The following RSPH10B2 variants were observed in gnomAD, a reference collection of about 807,000 sequenced individuals.
RSPH10B2 encodes the protein radial spoke head 10 homolog B2, also known as radial spoke head 10 homolog B2 (Chlamydomonas).
Under a neutral mutation model 49.0 loss-of-function variants are expected in RSPH10B2, and 9 were observed. The ratio of observed to expected loss-of-function variants is 0.18; its 90% CI spans 0.11 to 0.32. RSPH10B2 has a LOEUF of 0.32. Among genes scored for constraint, RSPH10B2 ranks in the 10% least tolerant of loss-of-function variants. The pLI is 1.00. For missense variants in RSPH10B2, 95 were observed against 589.9 expected (o/e 0.16, Z 8.69); for synonymous variants, 35 against 210.2 (o/e 0.17, Z 7.21).
chr7:6,791,102 C>T (rs1304705252), intron 16 of RSPH10B2, among the ~76,000 whole-genome samples: 9 of 138,376 alleles, frequency 6.5e-5, no homozygotes, highest in South Asian at 2.8e-4. Flanking sequence ...CCCGGGTTCA[C>T]GCCATTCTCC....
chr7:6,796,318 A>G (rs1782560068), intron 17 of RSPH10B2, among the ~76,000 whole-genome samples: 1 of 129,968 alleles, frequency 7.7e-6, no homozygotes, highest in Non-Finnish European at 1.7e-5. Context: ...TGTCTCCAAA[A>G]AAAAAAAAAC....
intron 8 of RSPH10B2, among the ~76,000 whole-genome samples, chr7:6,772,133 T>TA (rs1238093496): frequency 5.5e-5 from 3 of 54,256 alleles, no homozygotes; most frequent in Admixed American, 4.4e-4. Context: ...ACTCCTTTTT[T>TA]AAAAAAAAAT....
intron 16 of RSPH10B2, among the ~76,000 whole-genome samples, chr7:6,791,357 C>T (rs1444008317): frequency 1.4e-5 from 2 of 144,120 alleles, no homozygotes; most frequent in Admixed American, 1.4e-4. Context: ...GTGACATTTT[C>T]AAGTTTTGGG....
chr7:6,783,310 G>A (rs1782012642), intron 13 of RSPH10B2, among the ~76,000 whole-genome samples: 1 of 117,090 alleles, frequency 8.5e-6, no homozygotes, highest in Non-Finnish European at 1.7e-5. Flanking sequence ...GATTACAGGC[G>A]TGAGCCACTG....
intron 17 of RSPH10B2, among the ~76,000 whole-genome samples, chr7:6,795,540 A>G (rs541280078): frequency 9.2e-6 from 1 of 108,848 alleles, no homozygotes. Flanking sequence ...TGGGAGGCCG[A>G]GATGGGAGGA....
rs1781923179 is a variant in RSPH10B2, at chr7:6,781,254, T to G, written c.1610-74T>G. 6 of 1,278,836 alleles carry G rather than the reference T, an allele frequency of 4.7e-6. 1 individual carries two copies. Among genetic ancestry groups the G allele is most frequent in the Non-Finnish European group, 6.2e-6 (6 of 973,278 alleles). The allele number at this position is 1,278,836 out of a possible 1,614,324, so 79.2% of individuals were successfully genotyped here. A position where few individuals can be genotyped will look rare whatever the true frequency, so the allele number is the denominator to read the frequency against. Reference sequence around the variant, plus strand: ...CTGTCTCGGAAAAAAACAAAAGCAATAGGATTATATTTACTGCTATTTTTT... The same window carrying G: ...CTGTCTCGGAAAAAAACAAAAGCAAGAGGATTATATTTACTGCTATTTTTT... On this transcript the variant is annotated intron_variant, in intron 12 of 18. Transcript: ENST00000297186.
upstream of RSPH10B2, among the ~76,000 whole-genome samples, chr7:6,756,271 A>AAAAC (rs1554253228): frequency 8.3e-6 from 1 of 120,448 alleles, no homozygotes; most frequent in African/African-American, 3.6e-5. Flanking sequence ...CTCCGTCTCA[A>AAAAC]AAATAAATAA....
chr7:6,794,362 C>T (rs1275250448), intron 17 of RSPH10B2: 393 of 151,378 alleles, frequency 2.6e-3, no homozygotes, highest in African/African-American at 8.7e-3. Context: ...TCAGGAAAAG[C>T]GTCAGCTTCT....
At chr7:6,774,763 T>TG (rs1781711455) in intron 9 of RSPH10B2, among the ~76,000 whole-genome samples, 1 of 148,822 alleles carries the variant, frequency 6.7e-6, no homozygotes, top group Non-Finnish European at 1.5e-5. Context: ...TTGTTTTTTT[T>TG]TTTTTCTTGT....
chr7:6,767,974 T>C (rs578088889), intron 6 of RSPH10B2, among the ~76,000 whole-genome samples: 34 of 143,946 alleles, frequency 2.4e-4, no homozygotes, highest in Non-Finnish European at 4.4e-4. Flanking sequence ...CACCTGAGGA[T>C]TGAGGCCAGG....
At chr7:6,797,559 C>G (rs1417033114) in intron 18 of RSPH10B2, among the ~76,000 whole-genome samples, 1 of 152,278 alleles carries the variant, frequency 6.6e-6, no homozygotes, top group Admixed American at 6.5e-5. Flanking sequence ...ATATTGGACC[C>G]TCCATAAAGT....
intron 6 of RSPH10B2, among the ~76,000 whole-genome samples, chr7:6,767,964 C>T (rs1159238326): frequency 1.4e-5 from 2 of 143,076 alleles, no homozygotes; most frequent in Non-Finnish European, 3.0e-5. Flanking sequence ...TTTGGGAGAC[C>T]ACCTGAGGAT....
At chr7:6,797,602 G>A (rs1380976283) in intron 18 of RSPH10B2, among the ~76,000 whole-genome samples, 38 of 152,364 alleles carry the variant, frequency 2.5e-4, no homozygotes, top group Middle Eastern at 3.4e-3. Flanking sequence ...GGCACATGCC[G>A]GTAACCCCAG....
rs1486060368 is a variant in RSPH10B2, at chr7:6,768,181, C to T, written c.781-409C>T. 3.4e-5 allele frequency among the ~76,000 whole-genome samples: 5 copies of T among 149,210 alleles called. No homozygotes were observed. The South Asian group carries it at 1.1e-3, about 32-fold the overall frequency. On this transcript the variant is annotated intron_variant, in intron 6 of 18. Coordinates refer to ENST00000297186, the Ensembl canonical transcript of RSPH10B2. ...TGGGTAACAGAGTGAGACCCTTTCT[C>T]AAAAAATAAAAATATATAAAAGCAA...
Position 6,785,477 on chromosome 7 carries a change from C to T in RSPH10B2, c.1759-472C>T, listed in dbSNP as rs564814038. 1.6e-4 allele frequency among the ~76,000 whole-genome samples: 25 copies of T among 152,298 alleles called. No homozygotes were observed. The East Asian group carries it at 3.1e-3, about 19-fold the overall frequency. On this transcript the variant is annotated intron_variant, in intron 13 of 18. Transcript: ENST00000297186. ...ACAGGTGTGAGCCACCATGTCTGGC[C>T]GCAAATGCCCATGTTAATCCAGAAT...
At chr7:6,795,666 T>G (rs1367586496) in intron 17 of RSPH10B2, among the ~76,000 whole-genome samples, 1 of 141,492 alleles carries the variant, frequency 7.1e-6, no homozygotes, top group African/African-American at 2.6e-5. Flanking sequence ...GAGGCTGAGG[T>G]GGGAGGATCA....
rs1318447554 is a variant in RSPH10B2, at chr7:6,797,939, G to A, written c.2433-424G>A. 1.2e-4 allele frequency among the ~76,000 whole-genome samples: 12 copies of A among 97,484 alleles called. 1 individual carries two copies. The highest frequency in any genetic ancestry group is 9.7e-5 in the Non-Finnish European group (5 of 51,574). 64.0% of individuals were successfully genotyped at this position (97,484 alleles called of 152,430 possible). A position where few individuals can be genotyped will look rare whatever the true frequency, so the allele number is the denominator to read the frequency against. ...GGATCACCTGAGGTCAGGAGTTTGA[G>A]ACCAGCCTGGCCAACCTGGTGAAAC... On this transcript the variant is annotated intron_variant, in intron 18 of 18. Transcript: ENST00000297186.
chr7:6,764,387 G>A (rs1450632017), intron 4 of RSPH10B2, among the ~76,000 whole-genome samples: 1 of 150,562 alleles, frequency 6.6e-6, no homozygotes, highest in Non-Finnish European at 1.5e-5. Flanking sequence ...TTGAGATGGA[G>A]TCTTGCTCTG....
intron 6 of RSPH10B2, 97 bp downstream of exon 8, chr7:6,766,974 G>A (rs148761894): frequency 0.1 from 124,624 of 1,191,428 alleles, 15,030 homozygotes; most frequent in African/African-American, 0.24. Flanking sequence ...TTTTGTTTTT[G>A]TTTTGAGACA....
Sources: allele counts gnomAD v4.1 joint callset (sites outside exome capture counted in the v4.1 genomes callset), GRCh38; gene constraint gnomAD v4.1.1; transcripts MANE v1.5; gene names NCBI Gene and HGNC (gene_info 2026-07-23, HGNC 2026-07-21).